RB1: variants seen among roughly 807,000 people sequenced by gnomAD.
RB1 encodes the protein RB transcriptional corepressor 1.
Under a neutral mutation model 135.4 loss-of-function variants are expected in RB1, and 18 were observed. The ratio of observed to expected loss-of-function variants is 0.13; its 90% CI spans 0.09 to 0.20. The LOEUF is 0.20. RB1 is among the 10% of genes least tolerant of loss of function. The probability of loss-of-function intolerance (pLI) is 1.00; values close to 1 mark genes in which losing one functional copy is unlikely to be tolerated. For missense variants in RB1, 868 were observed against 1,110.0 expected, an observed-to-expected ratio of 0.78 and a Z score of 3.10; for synonymous variants, 365 against 373.2, an observed-to-expected ratio of 0.98 and a Z score of 0.25.
chr13:48,476,993 T>C, intron 25 of RB1, 150 bp downstream of exon 25: 2 of 996,718 alleles, frequency 2.0e-6, no homozygotes, highest in East Asian at 5.0e-5. Flanking sequence ...GATATGAGTG[T>C]AGTGCAAAGT....
At chr13:48,317,209 C>T (rs1952192018) in intron 2 of RB1, 2 of 461,544 alleles carry the variant, frequency 4.3e-6, no homozygotes, top group South Asian at 5.4e-5. Flanking sequence ...AGAGGCTGGC[C>T]TGCCTGCCCC....
At chr13:48,377,404 T>C (rs900264000) in intron 13 of RB1, among the ~76,000 whole-genome samples, 1 of 152,196 alleles carries the variant, frequency 6.6e-6, no homozygotes. Context: ...TTGTCAGTGA[T>C]ATTATTGAGT....
intron 17 of RB1, among the ~76,000 whole-genome samples, chr13:48,406,929 G>C (rs912404913): frequency 1.3e-5 from 2 of 152,130 alleles, no homozygotes; most frequent in African/African-American, 4.8e-5. Context: ...TTCTTACCCT[G>C]GCGCTACATT....
intron 17 of RB1, among the ~76,000 whole-genome samples, chr13:48,429,112 A>G (rs1949104697): frequency 3.3e-5 from 5 of 152,336 alleles, no homozygotes. Flanking sequence ...GATTTTTCAT[A>G]TTATTGTAAT....
rs1191072088 is a variant in RB1 at position 48,362,908 on chromosome 13, C to T, written c.812C>T (p.Thr271Ile). The T allele has an allele frequency of 2.5e-6, 4 of 1,613,776 alleles. No homozygotes were observed. The highest frequency in any genetic ancestry group is 2.5e-6 in the Non-Finnish European group (3 of 1,179,858). Residue 271 changes from threonine (T) to isoleucine (I), a missense_variant, in exon 8 of 27, where the codon ACA (threonine) becomes ATA (isoleucine). By Grantham distance (89) the Thr-to-Ile change is moderately conservative. Coordinates refer to ENST00000267163, the MANE Select transcript of RB1 (RefSeq NM_000321.3). ...ARIAKQLENDTRIIEVLCKEH... is the reference protein window; with the variant it reads ...ARIAKQLENDIRIIEVLCKEH... Reference sequence around the variant, plus strand: ...ATAGCAAAACAACTAGAAAATGATACAAGAATTATTGAAGTTCTCTGTAAA... The same window carrying T: ...ATAGCAAAACAACTAGAAAATGATATAAGAATTATTGAAGTTCTCTGTAAA...
chr13:48,445,531 T>C (rs1282584900), intron 17 of RB1, among the ~76,000 whole-genome samples: 1 of 152,182 alleles, frequency 6.6e-6, no homozygotes, highest in African/African-American at 2.4e-5. Flanking sequence ...TGATCTTTCA[T>C]CTTTTGGAAG....
At chr13:48,421,634 A>C (rs144040102) in intron 17 of RB1, among the ~76,000 whole-genome samples, 4 of 152,278 alleles carry the variant, frequency 2.6e-5, no homozygotes, top group African/African-American at 9.6e-5. Flanking sequence ...AAAGGGCTAA[A>C]GTCCAGAATC....
chr13:48,347,986 C>T, intron 5 of RB1, 123 bp downstream of exon 5: 2 of 746,902 alleles, frequency 2.7e-6, no homozygotes, highest in South Asian at 3.3e-5. Flanking sequence ...TAAATTAAGC[C>T]CATAGATTTA....
intron 2 of RB1, chr13:48,317,506 C>G (rs2245534): frequency 0.96 from 430,931 of 448,100 alleles, 207,926 homozygotes; most frequent in East Asian, 1. Context: ...CATGTGAAAG[C>G]TCCCCCCAGC....
At chr13:48,382,190 T>C (rs1323765442) in intron 17 of RB1, among the ~76,000 whole-genome samples, 2 of 152,210 alleles carry the variant, frequency 1.3e-5, no homozygotes, top group African/African-American at 4.8e-5. Flanking sequence ...TGTGTCTTTA[T>C]AGCAGCATGA....
At chr13:48,364,749 A>G in intron 8 of RB1, 145 bp from the exon 9 acceptor site, 1 of 940,108 alleles carries the variant, frequency 1.1e-6, no homozygotes, top group African/African-American at 1.7e-5. Context: ...TCTCTAAGAA[A>G]ATAATAAAAA....
intron 17 of RB1, among the ~76,000 whole-genome samples, chr13:48,434,918 T>G (rs1312831493): frequency 6.6e-6 from 1 of 152,220 alleles, no homozygotes; most frequent in East Asian, 1.9e-4. Flanking sequence ...TATTGCTGAC[T>G]AGTATTTTGT....
chr13:48,377,176 A>G, intron 13 of RB1, 142 bp downstream of exon 13: 1 of 861,412 alleles, frequency 1.2e-6, no homozygotes, highest in Non-Finnish European at 1.8e-6. Context: ...CTGCCTGTGT[A>G]TGCTGCTATT....
intron 7 of RB1, 50 bp downstream of exon 7, chr13:48,360,177 A>G (rs2138108249): frequency 6.2e-7 from 1 of 1,607,162 alleles, no homozygotes; most frequent in South Asian, 1.1e-5. Context: ...GCAGTTGCTT[A>G]TTGAATGTCT....
chr13:48,443,260 A>G (rs1424324022), intron 17 of RB1, among the ~76,000 whole-genome samples: 1 of 151,634 alleles, frequency 6.6e-6, no homozygotes, highest in African/African-American at 2.4e-5. Context: ...TTTTCAGTAA[A>G]TGGATAAAGC....
chr13:48,465,201 C>G lies in RB1; in HGVS notation c.2326-4C>G, dbSNP rs1356053052. ...AATAATCTACTTTTTTGTTTTTGCTCTAGCCCCCTACCTTGTCACCAATAC... is the reference window on the plus strand; with the variant it reads ...AATAATCTACTTTTTTGTTTTTGCTGTAGCCCCCTACCTTGTCACCAATAC... On this transcript the variant is annotated splice_region_variant and splice_polypyrimidine_tract_variant and intron_variant, in intron 22 of 26. Coordinates refer to ENST00000267163, the MANE Select transcript of RB1 (RefSeq NM_000321.3). The G allele has an allele frequency of 1.9e-6, 3 of 1,613,680 alleles. No homozygotes were observed. The highest frequency in any genetic ancestry group is 2.5e-6 in the Non-Finnish European group (3 of 1,179,832).
intron 2 of RB1, among the ~76,000 whole-genome samples, chr13:48,311,953 G>A (rs1431417247): frequency 1.3e-5 from 2 of 152,108 alleles, no homozygotes; most frequent in African/African-American, 4.8e-5. Context: ...ATCTGCCCTC[G>A]GCCTCCCAAA....
Position 48,456,191 on chromosome 13 carries a change from T to G in RB1, c.1815-13T>G. 6.2e-7 allele frequency: 1 copy of G among 1,613,822 alleles called. No individual in the cohort carries two copies. The highest frequency in any genetic ancestry group is 2.2e-5 in the East Asian group (1 of 44,856). ...CAACTTGAAATGAAGACTTTTCCTTTAAATATATCTAGGTATCTTTCTCCT... is the reference window on the plus strand; with the variant it reads ...CAACTTGAAATGAAGACTTTTCCTTGAAATATATCTAGGTATCTTTCTCCT... On this transcript the variant is annotated splice_polypyrimidine_tract_variant and intron_variant, in intron 18 of 26. Coordinates refer to ENST00000267163, the MANE Select transcript of RB1 (RefSeq NM_000321.3).
chr13:48,370,915 GC>G (rs1403391601), intron 11 of RB1, among the ~76,000 whole-genome samples: 3 of 152,202 alleles, frequency 2.0e-5, no homozygotes, highest in Non-Finnish European at 4.4e-5. Flanking sequence ...GGGGCTGCCA[GC>G]CATGTCAATT....
Sources: gnomAD v4.1 joint callset for allele counts (sites outside exome capture counted in the v4.1 genomes callset) on GRCh38, gnomAD v4.1.1 for gene constraint, MANE v1.5 for transcripts, NCBI Gene and HGNC (gene_info 2026-07-23, HGNC 2026-07-21) for gene names.